STAU1: variants seen among roughly 807,000 people sequenced by gnomAD.
STAU1 encodes staufen double-stranded RNA binding protein 1, also known as double-stranded RNA-binding protein Staufen homolog 1.
STAU1 carries 13 observed loss-of-function variants against 62.9 expected under a neutral mutation model. The ratio of observed to expected loss-of-function variants is 0.21; its 90% confidence interval spans 0.13 to 0.33. STAU1 has a LOEUF of 0.33. STAU1 is among the 10% of genes least tolerant of loss of function. The pLI is 1.00. For synonymous variants in STAU1, 269 were observed against 265.1 expected (o/e 1.01, Z -0.14); for missense variants, 571 against 712.1 (o/e 0.80, Z 2.25).
chr20:49,191,153 GAGT>G (rs1232924721), upstream of STAU1, among the ~76,000 whole-genome samples: 1 of 151,474 alleles, frequency 6.6e-6, no homozygotes, highest in Non-Finnish European at 1.5e-5. Context: ...TCAGCCTCCC[GAGT>G]AGCTGAGACT....
chr20:49,192,759 C>T (rs1008653255), upstream of STAU1, among the ~76,000 whole-genome samples: 2 of 152,072 alleles, frequency 1.3e-5, no homozygotes, highest in Non-Finnish European at 2.9e-5. Flanking sequence ...TGTGATTGCA[C>T]CACTGCACTC....
At chr20:49,136,051 G>C in intron 5 of STAU1, 120 bp from the exon 6 acceptor site, 1 of 716,934 alleles carries the variant, frequency 1.4e-6, no homozygotes, top group Non-Finnish European at 2.3e-6. Flanking sequence ...CTTGAGCCCA[G>C]GAGTCTGAGA....
chr20:49,187,563 GC>G (rs1214964408), intron 1 of STAU1, among the ~76,000 whole-genome samples: 1 of 152,052 alleles, frequency 6.6e-6, no homozygotes, highest in Non-Finnish European at 1.5e-5. Context: ...CGCTTTACAC[GC>G]CCCATTTCAC....
At chr20:49,154,214 C>A in intron 3 of STAU1, 143 bp from the exon 4 acceptor site, 1 of 750,316 alleles carries the variant, frequency 1.3e-6, no homozygotes, top group Non-Finnish European at 2.1e-6. Context: ...TGCTAGGCAT[C>A]AGACAAGGAA....
intron 3 of STAU1, 135 bp from the exon 4 acceptor site, chr20:49,154,206 C>T (rs1386305228): frequency 2.0e-5 from 17 of 831,792 alleles, no homozygotes; most frequent in Non-Finnish European, 2.7e-5. Flanking sequence ...TGGCTCACTG[C>T]TAGGCATCAG....
chr20:49,167,846 C>T (rs1485414530), intron 2 of STAU1, among the ~76,000 whole-genome samples: 4 of 152,090 alleles, frequency 2.6e-5, no homozygotes, highest in African/African-American at 7.2e-5. Context: ...TGTGTATGTA[C>T]GACTTCACAA....
chr20:49,146,470 G>C (rs1391984301), intron 5 of STAU1, among the ~76,000 whole-genome samples: 1 of 152,132 alleles, frequency 6.6e-6, no homozygotes, highest in Non-Finnish European at 1.5e-5. Context: ...GGGAGGCCAA[G>C]CTGGGCAGAT....
intron 2 of STAU1, among the ~76,000 whole-genome samples, chr20:49,167,965 T>TAA (rs2093549281): frequency 6.6e-6 from 1 of 152,190 alleles, no homozygotes; most frequent in African/African-American, 2.4e-5. Flanking sequence ...GAGTGGCTCT[T>TAA]AGAGTTTAAG....
At chr20:49,203,359 A>AG in the STAU1 span, among the ~76,000 whole-genome samples, 1 of 152,200 alleles carries the variant, frequency 6.6e-6, no homozygotes, top group Non-Finnish European at 1.5e-5. Context: ...GGGGAGGCAG[A>AG]GGTTGCAGCG....
intron 8 of STAU1, among the ~76,000 whole-genome samples, chr20:49,121,714 A>C (rs1163520271): frequency 6.6e-6 from 1 of 152,220 alleles, no homozygotes; most frequent in Non-Finnish European, 1.5e-5. Context: ...TGTGTCAGTA[A>C]AATTTATAAC....
chr20:49,119,934 G>C, intron 9 of STAU1, 48 bp downstream of exon 9: 1 of 1,593,924 alleles, frequency 6.3e-7, no homozygotes, highest in Non-Finnish European at 8.6e-7. Flanking sequence ...CAGTTCCCTA[G>C]GGTGAGGCGA....
At chr20:49,172,277 T>G (rs1390911033) in intron 2 of STAU1, among the ~76,000 whole-genome samples, 1 of 152,232 alleles carries the variant, frequency 6.6e-6, no homozygotes, top group Admixed American at 6.5e-5. Flanking sequence ...TTTACCTCTA[T>G]AGCCTAAAAA....
intron 2 of STAU1, among the ~76,000 whole-genome samples, chr20:49,172,396 A>G (rs1365085001): frequency 1.3e-5 from 2 of 152,244 alleles, no homozygotes; most frequent in Admixed American, 6.5e-5. Flanking sequence ...ATACATTTGT[A>G]AACAGTTTTT....
chr20:49,200,923 C>T, the STAU1 span, among the ~76,000 whole-genome samples: 1 of 151,102 alleles, frequency 6.6e-6, no homozygotes, highest in Non-Finnish European at 1.5e-5. Context: ...CCTGTAGTCT[C>T]AGCTGCTCAG....
chr20:49,200,536 G>A, the STAU1 span, among the ~76,000 whole-genome samples: 1 of 151,590 alleles, frequency 6.6e-6, no homozygotes, highest in East Asian at 1.9e-4. Context: ...GGGAGGCGGA[G>A]CTTGCAGTGA....
In STAU1 at chr20:49,118,111, C is replaced by G. The variant is rs890547356; in HGVS notation, c.1190-15G>C. ...CTCTTTATTACCTGGGAGGGACATACACGGTAAACACGAATCCACATCCAC... is the reference window on the plus strand; with the variant it reads ...CTCTTTATTACCTGGGAGGGACATAGACGGTAAACACGAATCCACATCCAC... On this transcript the variant is annotated splice_polypyrimidine_tract_variant and intron_variant, in intron 10 of 13. Transcript: ENST00000371856. 2 of 1,607,572 alleles carry G rather than the reference C, an allele frequency of 1.2e-6. No individual in the cohort carries two copies. The highest frequency in any genetic ancestry group is 1.7e-6 in the Non-Finnish European group (2 of 1,175,146).
intron 5 of STAU1, among the ~76,000 whole-genome samples, chr20:49,147,298 GCTGA>G (rs1264054931): frequency 6.6e-6 from 1 of 152,190 alleles, no homozygotes; most frequent in African/African-American, 2.4e-5. Context: ...AAGGGATGGC[GCTGA>G]CTGTTTCAAC....
intron 1 of STAU1, among the ~76,000 whole-genome samples, chr20:49,182,333 AAT>A (rs1012187125): frequency 2.1e-4 from 32 of 152,340 alleles, no homozygotes; most frequent in African/African-American, 6.5e-4. Context: ...CCACTTTAAA[AAT>A]ATTACTTTTC....
chr20:49,125,764 C>T (rs1380363056), intron 6 of STAU1, among the ~76,000 whole-genome samples: 1 of 151,952 alleles, frequency 6.6e-6, no homozygotes, highest in Non-Finnish European at 1.5e-5. Flanking sequence ...AGGAGAATGG[C>T]GTGAACCTGG....
Sources: gnomAD v4.1 joint callset for allele counts (sites outside exome capture counted in the v4.1 genomes callset) on GRCh38, gnomAD v4.1.1 for gene constraint, MANE v1.5 for transcripts, NCBI Gene and HGNC (gene_info 2026-07-23, HGNC 2026-07-21) for gene names.